CALN1: variants seen among roughly 807,000 people sequenced by gnomAD.
CALN1 encodes calcium-binding protein 8.
CALN1 carries 17 observed loss-of-function variants against 30.6 expected under a neutral mutation model. That is an observed-to-expected ratio of 0.56 (90% CI 0.38 to 0.83). CALN1 has a LOEUF of 0.83. CALN1 is among the 40% of genes least tolerant of loss of function. The pLI is 0.00. For missense variants in CALN1, 291 were observed against 354.9 expected, an observed-to-expected ratio of 0.82 and a Z score of 1.45; for synonymous variants, 156 against 131.4, an observed-to-expected ratio of 1.19 and a Z score of -1.28.
intron 1 of CALN1, among the ~76,000 whole-genome samples, chr7:72,407,177 C>G (rs1033995063): frequency 2.0e-5 from 3 of 152,186 alleles, no homozygotes; most frequent in Non-Finnish European, 2.9e-5. Flanking sequence ...AGTTCAAATC[C>G]TGGCTGTGCC....
chr7:71,926,198 T>C (rs946203930), intron 5 of CALN1, among the ~76,000 whole-genome samples: 1 of 152,134 alleles, frequency 6.6e-6, no homozygotes, highest in Non-Finnish European at 1.5e-5. Context: ...CACCACAGCC[T>C]GCACACAGCT....
intron 5 of CALN1, among the ~76,000 whole-genome samples, chr7:71,823,188 T>C (rs1004863794): frequency 2.1e-4 from 22 of 103,312 alleles, no homozygotes; most frequent in East Asian, 1.2e-3. Context: ...CTCTCTCTCT[T>C]TTTTTTTTTT....
At chr7:72,340,148 A>AG (rs1367100593) in intron 2 of CALN1, among the ~76,000 whole-genome samples, 2 of 152,212 alleles carry the variant, frequency 1.3e-5, no homozygotes, top group African/African-American at 4.8e-5. Flanking sequence ...CCACACCTAC[A>AG]GGCCAGAGTG....
chr7:72,338,527 G>GTGTGTGTGTGTGTGTGTGTGTGTGTGTC (rs1190799242), intron 2 of CALN1, among the ~76,000 whole-genome samples: 20 of 144,582 alleles, frequency 1.4e-4, no homozygotes, highest in African/African-American at 5.4e-4. Context: ...GTGTGTGTGT[G>GTGTGTGTGTGTGTGTGTGTGTGTGTGTC]TCTCACCTGG....
At chr7:72,413,685 T>TCA (rs1274123039), upstream of CALN1, among the ~76,000 whole-genome samples, 2 of 151,832 alleles carry the variant, frequency 1.3e-5, no homozygotes, top group Non-Finnish European at 2.9e-5. Context: ...ACATATACAT[T>TCA]CACACTCACA....
intron 3 of CALN1, among the ~76,000 whole-genome samples, chr7:72,177,740 G>A (rs1789463734): frequency 8.1e-6 from 1 of 123,752 alleles, no homozygotes; most frequent in African/African-American, 3.1e-5. Flanking sequence ...ACTCCAGCCT[G>A]GGCGACAGAG....
At chr7:72,035,316 T>C (rs1801729323) in intron 4 of CALN1, among the ~76,000 whole-genome samples, 2 of 152,254 alleles carry the variant, frequency 1.3e-5, no homozygotes, top group African/African-American at 4.8e-5. Context: ...ACCATTCTAC[T>C]TTCTCTCGGA....
At chr7:72,396,087 T>G (rs1805919532) in intron 2 of CALN1, among the ~76,000 whole-genome samples, 1 of 151,368 alleles carries the variant, frequency 6.6e-6, no homozygotes, top group African/African-American at 2.4e-5. Context: ...GAGGCTACAT[T>G]ACATGAGGCG....
At chr7:72,407,064 G>A (rs192854533) in intron 1 of CALN1, among the ~76,000 whole-genome samples, 2 of 152,240 alleles carry the variant, frequency 1.3e-5, no homozygotes, top group Admixed American at 6.5e-5. Flanking sequence ...CTGGGTCTAC[G>A]CTTTGAGTAC....
chr7:72,421,404 A>C (rs1359853051), intron 1 of CALN1, among the ~76,000 whole-genome samples: 1 of 151,778 alleles, frequency 6.6e-6, no homozygotes, highest in East Asian at 1.9e-4. Context: ...CTTAACGTAA[A>C]TCCTCACCTT....
intron 3 of CALN1, among the ~76,000 whole-genome samples, chr7:72,199,387 A>T (rs1469006013): frequency 6.6e-6 from 1 of 152,194 alleles, no homozygotes; most frequent in Non-Finnish European, 1.5e-5. Flanking sequence ...CTCCAAAACT[A>T]AGCCAATGGT....
chr7:72,478,858 G>T, the CALN1 span, among the ~76,000 whole-genome samples: 1 of 149,800 alleles, frequency 6.7e-6, no homozygotes, highest in Non-Finnish European at 1.5e-5. Context: ...TTTCTTCACA[G>T]GTTTATTTGC....
At chr7:72,356,943 A>T (rs1562918332) in intron 2 of CALN1, among the ~76,000 whole-genome samples, 1 of 151,962 alleles carries the variant, frequency 6.6e-6, no homozygotes, top group African/African-American at 2.4e-5. Flanking sequence ...AACACTTCTA[A>T]GCTTTGGTTT....
At chr7:71,845,822 G>A (rs1256119797) in intron 5 of CALN1, among the ~76,000 whole-genome samples, 2 of 152,112 alleles carry the variant, frequency 1.3e-5, no homozygotes, top group Non-Finnish European at 2.9e-5. Flanking sequence ...GGGAGGCTGA[G>A]GCAGGTGGAT....
chr7:71,941,666 G>A (rs1796137712), intron 5 of CALN1, among the ~76,000 whole-genome samples: 1 of 152,168 alleles, frequency 6.6e-6, no homozygotes, highest in Non-Finnish European at 1.5e-5. Flanking sequence ...AAATGTTCAT[G>A]AGAAATTAGA....
intron 4 of CALN1, among the ~76,000 whole-genome samples, chr7:72,026,685 G>A (rs1249003863): frequency 3.9e-5 from 6 of 151,954 alleles, no homozygotes; most frequent in African/African-American, 1.4e-4. Flanking sequence ...CAAAGTGCTG[G>A]GATTACAGGC....
intron 1 of CALN1, 24 bp downstream of exon 1, chr7:72,412,034 A>C: frequency 6.6e-6 from 1 of 152,240 alleles, no homozygotes; most frequent in Middle Eastern, 3.4e-3. Flanking sequence ...TGAGCCCACC[A>C]TGCTCTTTAG....
intron 6 of CALN1, among the ~76,000 whole-genome samples, chr7:71,804,051 T>A (rs1302785803): frequency 6.6e-6 from 1 of 152,044 alleles, no homozygotes; most frequent in Non-Finnish European, 1.5e-5. Context: ...ACCTTTCCCA[T>A]CAAAAGTGCC....
At chr7:72,102,138 T>C (rs1010012724) in intron 4 of CALN1, among the ~76,000 whole-genome samples, 2 of 152,182 alleles carry the variant, frequency 1.3e-5, no homozygotes, top group African/African-American at 2.4e-5. Flanking sequence ...CAGTCCATTT[T>C]TCAAAGCTTT....
Sources: allele counts gnomAD v4.1 joint callset (sites outside exome capture counted in the v4.1 genomes callset), GRCh38; gene constraint gnomAD v4.1.1; transcripts MANE v1.5; gene names NCBI Gene and HGNC (gene_info 2026-07-23, HGNC 2026-07-21).